The following NELL2 variants were observed in gnomAD, a reference collection of about 807,000 sequenced individuals.
NELL2 encodes neural EGFL like 2.
Under a neutral mutation model 109.6 loss-of-function variants are expected in NELL2, and 41 were observed. That is an observed-to-expected ratio of 0.37 (90% CI 0.29 to 0.49). The LOEUF is 0.49. Among genes scored for constraint, NELL2 ranks in the 20% least tolerant of loss-of-function variants. The pLI is 0.98. For synonymous variants in NELL2, 355 were observed against 344.7 expected, an observed-to-expected ratio of 1.03 and a Z score of -0.33; for missense variants, 900 against 1,008.3, an observed-to-expected ratio of 0.89 and a Z score of 1.45.
intron 3 of NELL2, among the ~76,000 whole-genome samples, chr12:44,811,109 G>A (rs1823484): frequency 0.97 from 147,929 of 152,040 alleles, 72,105 homozygotes; most frequent in East Asian, 1. Flanking sequence ...TCTCACTCAT[G>A]AGTGAAAGCT....
intron 13 of NELL2, among the ~76,000 whole-genome samples, chr12:44,612,302 G>A (rs1393596191): frequency 6.6e-6 from 1 of 151,930 alleles, no homozygotes; most frequent in Non-Finnish European, 1.5e-5. Context: ...TTCTATATGA[G>A]CACAAAGTTA....
intron 19 of NELL2, among the ~76,000 whole-genome samples, chr12:44,519,406 G>T (rs1274423890): frequency 6.6e-6 from 1 of 152,078 alleles, no homozygotes; most frequent in Admixed American, 6.5e-5. Flanking sequence ...GAAGCAAAAG[G>T]CACAGAGCTC....
intron 3 of NELL2, among the ~76,000 whole-genome samples, chr12:44,807,805 C>T (rs978001241): frequency 9.2e-5 from 14 of 151,980 alleles, no homozygotes; most frequent in African/African-American, 2.9e-4. Flanking sequence ...AACACAGAAA[C>T]GGGAAGTATG....
At chr12:44,631,233 T>A (rs998451732) in intron 13 of NELL2, among the ~76,000 whole-genome samples, 4 of 147,642 alleles carry the variant, frequency 2.7e-5, no homozygotes, top group Admixed American at 6.8e-5. Context: ...TATATATATA[T>A]AAATAATATA....
At chr12:44,908,872 G>C (rs184273925) in intron 1 of NELL2, among the ~76,000 whole-genome samples, 88 of 152,034 alleles carry the variant, frequency 5.8e-4, no homozygotes, top group Admixed American at 1.7e-3. Flanking sequence ...TCTCTTGAGT[G>C]GTGGGTAATT....
At chr12:44,724,406 T>C (rs1938957009) in intron 9 of NELL2, among the ~76,000 whole-genome samples, 2 of 151,886 alleles carry the variant, frequency 1.3e-5, no homozygotes, top group Admixed American at 1.3e-4. Context: ...AAAGTTGAAA[T>C]TTGCAGGATA....
intron 13 of NELL2, among the ~76,000 whole-genome samples, chr12:44,643,738 T>C (rs982120359): frequency 8.5e-5 from 13 of 152,190 alleles, no homozygotes; most frequent in African/African-American, 3.1e-4. Context: ...TTTCAAAATA[T>C]GTGTATTTGG....
At chr12:44,877,021 C>T (rs1945348515), upstream of NELL2, 3 of 435,932 alleles carry the variant, frequency 6.9e-6, no homozygotes, top group South Asian at 2.3e-4. Flanking sequence ...CCGCGCGCCC[C>T]CTGCCAAATA....
intron 19 of NELL2, among the ~76,000 whole-genome samples, chr12:44,514,179 A>G (rs968934110): frequency 2.6e-5 from 4 of 151,934 alleles, no homozygotes; most frequent in African/African-American, 9.7e-5. Context: ...TCCAGTGAAA[A>G]TATTCTTCAA....
At chr12:44,640,939 T>C (rs995903613) in intron 13 of NELL2, among the ~76,000 whole-genome samples, 9 of 152,190 alleles carry the variant, frequency 5.9e-5, no homozygotes, top group African/African-American at 1.2e-4. Context: ...GAAAGAACTA[T>C]GTTTACTTTA....
intron 15 of NELL2, among the ~76,000 whole-genome samples, chr12:44,556,507 C>T (rs879666637): frequency 1.3e-5 from 2 of 152,138 alleles, no homozygotes; most frequent in Admixed American, 1.3e-4. Flanking sequence ...GATATAGGAT[C>T]ACCTAAGCTG....
chr12:44,578,890 A>G (rs1163253741), intron 15 of NELL2, among the ~76,000 whole-genome samples: 1 of 152,210 alleles, frequency 6.6e-6, no homozygotes, highest in East Asian at 1.9e-4. Context: ...AAAAGCCTTC[A>G]AAAGCCTACT....
chr12:44,679,590 T>G (rs1490629839), intron 12 of NELL2, among the ~76,000 whole-genome samples: 1 of 152,116 alleles, frequency 6.6e-6, no homozygotes, highest in Non-Finnish European at 1.5e-5. Context: ...AGAACCTTTG[T>G]GAAGTTGAGA....
chr12:44,727,072 T>C (rs1001459331), intron 9 of NELL2, among the ~76,000 whole-genome samples: 15 of 152,134 alleles, frequency 9.9e-5, no homozygotes, highest in African/African-American at 3.1e-4. Context: ...ATTCTGCATA[T>C]GTAACCAGGC....
chr12:44,739,815 G>C (rs1364348573), intron 9 of NELL2, among the ~76,000 whole-genome samples: 1 of 152,096 alleles, frequency 6.6e-6, no homozygotes, highest in Non-Finnish European at 1.5e-5. Context: ...CCCTTGAACT[G>C]GGAAGTGGAG....
chr12:44,715,443 C>T (rs917739366), intron 9 of NELL2, among the ~76,000 whole-genome samples: 1 of 151,578 alleles, frequency 6.6e-6, no homozygotes, highest in Non-Finnish European at 1.5e-5. Context: ...ATTTACAGTT[C>T]ACACAAACAT....
intron 12 of NELL2, among the ~76,000 whole-genome samples, chr12:44,684,417 T>G (rs1375333208): frequency 1.3e-5 from 2 of 152,148 alleles, no homozygotes; most frequent in Non-Finnish European, 2.9e-5. Context: ...CTCTATTTCC[T>G]TCAGTTCTGC....
At chr12:44,529,743 C>T (rs756281046) in intron 16 of NELL2, among the ~76,000 whole-genome samples, 7 of 152,102 alleles carry the variant, frequency 4.6e-5, no homozygotes, top group Non-Finnish European at 7.4e-5. Context: ...GTTAATTTGG[C>T]GAAGTGGAAA....
chr12:44,714,238 T>A (rs1228074748), intron 10 of NELL2, among the ~76,000 whole-genome samples: 2 of 151,976 alleles, frequency 1.3e-5, no homozygotes, highest in Non-Finnish European at 2.9e-5. Flanking sequence ...CTCAACTCCA[T>A]CCAACAATTA....
Sources: allele counts gnomAD v4.1 joint callset (sites outside exome capture counted in the v4.1 genomes callset), GRCh38; gene constraint gnomAD v4.1.1; transcripts MANE v1.5; gene names NCBI Gene and HGNC (gene_info 2026-07-23, HGNC 2026-07-21).